Variants in CYP20A1 observed in about 807,000 individuals in gnomAD.
CYP20A1 encodes the protein cytochrome P450 family 20 subfamily A member 1, also known as cytochrome P450 20A1.
CYP20A1 carries 61 observed loss-of-function variants against 61.4 expected under a neutral mutation model. The ratio of observed to expected loss-of-function variants is 0.99; its 90% confidence interval spans 0.81 to 1.23. CYP20A1 has a LOEUF of 1.23. CYP20A1 is among the 50% of genes most tolerant of loss of function. The pLI is 0.00. For missense variants in CYP20A1, 530 were observed against 542.4 expected, an observed-to-expected ratio of 0.98 and a Z score of 0.23; for synonymous variants, 193 against 188.2, an observed-to-expected ratio of 1.03 and a Z score of -0.21.
In CYP20A1 at chr2:203,300,526, G is replaced by GAGT. The variant is rs2068977611; in HGVS notation, c.*3619_*3621dup. 6.6e-6 allele frequency among the ~76,000 whole-genome samples: 1 copy of GAGT among 152,056 alleles called. No individual in the cohort carries two copies. The highest frequency in any genetic ancestry group is 1.5e-5 in the Non-Finnish European group (1 of 68,004). On this transcript the variant is annotated 3_prime_UTR_variant, in exon 13 of 13. Coordinates refer to ENST00000356079, the MANE Select transcript of CYP20A1 (RefSeq NM_177538.3). ...AAGTAAGTAAGTTTTGTAGCTTTTG[G>GAGT]AGTTTTTAAAAACTACTTCAGTGAT...
chr2:203,272,307 C>T (rs563241441), intron 5 of CYP20A1, among the ~76,000 whole-genome samples: 1 of 152,158 alleles, frequency 6.6e-6, no homozygotes, highest in African/African-American at 2.4e-5. Context: ...CTTTGGGAGA[C>T]TGAGATGAGA....
intron 5 of CYP20A1, among the ~76,000 whole-genome samples, chr2:203,269,181 C>CCTGT (rs2067454109): frequency 6.6e-6 from 1 of 152,122 alleles, no homozygotes; most frequent in African/African-American, 2.4e-5. Flanking sequence ...ATAGCTCATG[C>CCTGT]CTGTAATCCT....
At chr2:203,263,255 C>T (rs1436540593) in intron 4 of CYP20A1, among the ~76,000 whole-genome samples, 2 of 150,818 alleles carry the variant, frequency 1.3e-5, no homozygotes, top group Non-Finnish European at 2.9e-5. Context: ...TCCCAAAGTG[C>T]TGGGATTACA....
chr2:203,273,238 ACT>A, intron 6 of CYP20A1, among the ~76,000 whole-genome samples: 1 of 152,018 alleles, frequency 6.6e-6, no homozygotes, highest in East Asian at 1.9e-4. Flanking sequence ...AGTAAAAGAA[ACT>A]CTAGCACAGA....
At chr2:203,281,345 A>G (rs2068033421) in intron 8 of CYP20A1, among the ~76,000 whole-genome samples, 1 of 152,074 alleles carries the variant, frequency 6.6e-6, no homozygotes, top group African/African-American at 2.4e-5. Context: ...CATCTCTATA[A>G]AAAATTCAAA....
At chr2:203,270,773 A>T (rs1185135669) in intron 5 of CYP20A1, among the ~76,000 whole-genome samples, 4 of 135,408 alleles carry the variant, frequency 3.0e-5, no homozygotes, top group Non-Finnish European at 6.2e-5. Flanking sequence ...CCTCAGTCTC[A>T]GCTCACTGCA....
chr2:203,280,143 G>T (rs781765897), intron 8 of CYP20A1, 30 bp downstream of exon 8: 4 of 1,554,090 alleles, frequency 2.6e-6, no homozygotes, highest in South Asian at 1.2e-5. Context: ...TTTTTCAGAG[G>T]AATTACTAAA....
intron 4 of CYP20A1, among the ~76,000 whole-genome samples, chr2:203,258,472 C>T (rs937961590): frequency 6.6e-6 from 1 of 151,752 alleles, no homozygotes; most frequent in Non-Finnish European, 1.5e-5. Flanking sequence ...TCACACTTTC[C>T]ATTTAAGACT....
rs2068971640 is a variant in CYP20A1 at position 203,300,304 on chromosome 2, A to G, written c.*3396A>G. ...AAGTTATTCTCTAGATAATTTTTTA[A>G]ATAAAAGTACTGTTAATATATAAAC... On this transcript the variant is annotated 3_prime_UTR_variant, in exon 13 of 13. Coordinates refer to ENST00000356079, the MANE Select transcript of CYP20A1 (RefSeq NM_177538.3). Among the ~76,000 whole-genome samples, 2 of 152,218 alleles carry G rather than the reference A, an allele frequency of 1.3e-5. No individual in the cohort carries two copies. Among genetic ancestry groups the G allele is most frequent in the Non-Finnish European group, 2.9e-5 (2 of 68,032 alleles).
rs1190242454 is a variant in CYP20A1, at chr2:203,302,873, A to G, written c.*5965A>G. ...ACACCCAGCTCATTTTTGTATTTTT[A>G]GTAGAGATGGGGTTTTACCGTGTTG... On this transcript the variant is annotated 3_prime_UTR_variant, in exon 13 of 13. Coordinates refer to ENST00000356079, the MANE Select transcript of CYP20A1 (RefSeq NM_177538.3). Among the ~76,000 whole-genome samples the G allele has an allele frequency of 6.6e-6, 1 of 150,832 alleles. No homozygotes were observed. Among genetic ancestry groups the G allele is most frequent in the Admixed American group, 6.6e-5 (1 of 15,086 alleles).
intron 6 of CYP20A1, among the ~76,000 whole-genome samples, chr2:203,275,095 C>T (rs1407873126): frequency 1.3e-5 from 2 of 152,166 alleles, no homozygotes; most frequent in Non-Finnish European, 2.9e-5. Flanking sequence ...GAACTTAAAG[C>T]ACAAAACCTG....
rs1005875081 is a variant in CYP20A1 at position 203,297,082 on chromosome 2, C to G, written c.*174C>G. ...TCATATTTTCTTAATTCATTGTACACATTTGACTTACTGCACAGTATATTG... is the reference window on the plus strand; with the variant it reads ...TCATATTTTCTTAATTCATTGTACAGATTTGACTTACTGCACAGTATATTG... On this transcript the variant is annotated 3_prime_UTR_variant, in exon 13 of 13. Transcript: ENST00000356079. 1 of 484,816 alleles carries G rather than the reference C, an allele frequency of 2.1e-6. No individual in the cohort carries two copies. The highest frequency in any genetic ancestry group is 3.6e-6 in the Non-Finnish European group (1 of 277,852). The allele number at this position is 484,816 out of a possible 1,614,324, so 30.0% of individuals were successfully genotyped here. A position where few individuals can be genotyped will look rare whatever the true frequency, so the allele number is the denominator to read the frequency against.
chr2:203,292,920 A>G (rs1246841773), intron 11 of CYP20A1, among the ~76,000 whole-genome samples: 1 of 152,090 alleles, frequency 6.6e-6, no homozygotes, highest in Non-Finnish European at 1.5e-5. Context: ...TCATGCCTGT[A>G]ATCCCAGCAC....
chr2:203,264,380 C>T (rs944172743), intron 4 of CYP20A1, among the ~76,000 whole-genome samples: 2 of 152,156 alleles, frequency 1.3e-5, no homozygotes, highest in South Asian at 2.1e-4. Context: ...ACTACTTTGT[C>T]GTTATGAAAT....
At chr2:203,283,352 G>A (rs932316609) in intron 8 of CYP20A1, among the ~76,000 whole-genome samples, 1 of 149,914 alleles carries the variant, frequency 6.7e-6, no homozygotes. Flanking sequence ...AAGTAGCTGG[G>A]ACTACAGGCG....
At chr2:203,273,474 G>C (rs1392541396) in intron 6 of CYP20A1, among the ~76,000 whole-genome samples, 1 of 152,160 alleles carries the variant, frequency 6.6e-6, no homozygotes, top group Non-Finnish European at 1.5e-5. Flanking sequence ...GGAATTAGTA[G>C]GGAAATGTCA....
rs747134866 is a variant in CYP20A1 at position 203,246,806 on chromosome 2, G to C, written c.174G>C (p.Leu58=). 6.2e-7 allele frequency: 1 copy of C among 1,614,012 alleles called. No individual in the cohort carries two copies. The highest frequency in any genetic ancestry group is 8.5e-7 in the Non-Finnish European group (1 of 1,180,038). Residue 58 remains leucine (L), a synonymous_variant, in exon 3 of 13, where the codon CTG becomes CTC. Coordinates refer to ENST00000356079, the MANE Select transcript of CYP20A1 (RefSeq NM_177538.3). ...IVNSGSLHEF[L]VNLHERYGPV... Reference sequence around the variant, plus strand: ...ATAGTGGAAGTTTGCATGAGTTCCTGGTTAATTTGCATGAGAGATATGGGC... The same window carrying C: ...ATAGTGGAAGTTTGCATGAGTTCCTCGTTAATTTGCATGAGAGATATGGGC...
intron 1 of CYP20A1, among the ~76,000 whole-genome samples, chr2:203,244,867 G>C (rs898474495): frequency 6.6e-6 from 1 of 151,368 alleles, no homozygotes; most frequent in Non-Finnish European, 1.5e-5. Flanking sequence ...CGAGTAGCTG[G>C]GACTACAGGC....
Position 203,299,704 on chromosome 2 carries a change from G to A in CYP20A1, c.*2796G>A, listed in dbSNP as rs963441305. 8.6e-5 allele frequency among the ~76,000 whole-genome samples: 13 copies of A among 151,856 alleles called. No individual in the cohort carries two copies. The highest frequency in any genetic ancestry group is 5.3e-4 in the Admixed American group (8 of 15,234). On this transcript the variant is annotated 3_prime_UTR_variant, in exon 13 of 13. Transcript: ENST00000356079. ...AGCCTGACCAACATGGAGAAACCCC[G>A]TCTCTACTAAAAATACAAAATTAGC... is the stretch of plus-strand genomic sequence containing the variant.
Sources: allele counts gnomAD v4.1 joint callset (sites outside exome capture counted in the v4.1 genomes callset), GRCh38; gene constraint gnomAD v4.1.1; transcripts MANE v1.5; gene names NCBI Gene and HGNC (gene_info 2026-07-23, HGNC 2026-07-21).